Variants in VSTM2A observed in about 807,000 individuals in gnomAD.
VSTM2A encodes the protein V-set and transmembrane domain containing 2A.
A neutral mutation model predicts 27.3 loss-of-function variants in VSTM2A; 13 were observed. The observed-to-expected ratio is 0.48, with a 90% confidence interval of 0.31 to 0.76. The LOEUF (loss-of-function observed/expected upper bound fraction) is 0.76, where lower values mean the gene tolerates loss of function less well. Ranked by LOEUF, VSTM2A falls within the 30% of genes least tolerant of loss-of-function variation. The probability of loss-of-function intolerance (pLI) is 0.05; values close to 1 mark genes in which losing one functional copy is unlikely to be tolerated. For synonymous variants in VSTM2A, 142 were observed against 125.7 expected, an observed-to-expected ratio of 1.13 and a Z score of -0.87; for missense variants, 280 against 310.0, an observed-to-expected ratio of 0.90 and a Z score of 0.73.
At position 54,546,942 on chromosome 7, in the gene VSTM2A, C is replaced by A; in HGVS notation, c.247-5C>A. The stretch of plus-strand genomic sequence containing the variant: ...CGGGACTGAGCGTTCGCTCCTTGCC[C>A]GCAGGTGGAGCTCTTGCCCGACAGA... On this transcript the variant is annotated splice_region_variant and splice_polypyrimidine_tract_variant and intron_variant, in intron 2 of 4. Transcript: ENST00000402613. The A allele has an allele frequency of 6.3e-7, 1 of 1,598,072 alleles. No homozygotes were observed. The highest frequency in any genetic ancestry group is 8.5e-7 in the Non-Finnish European group (1 of 1,174,472).
intron 3 of VSTM2A, among the ~76,000 whole-genome samples, chr7:54,549,070 G>A (rs1422117178): frequency 6.6e-6 from 1 of 150,812 alleles, no homozygotes; most frequent in Non-Finnish European, 1.5e-5. Flanking sequence ...TCAGATATAT[G>A]ATCTTGCTAT....
intron 1 of VSTM2A, among the ~76,000 whole-genome samples, chr7:54,543,397 T>C (rs1787847502): frequency 6.6e-6 from 1 of 152,138 alleles, no homozygotes; most frequent in African/African-American, 2.4e-5. Context: ...AGATCACATC[T>C]CTGGTGCCAA....
intron 4 of VSTM2A, chr7:54,553,764 T>C: frequency 6.8e-7 from 1 of 1,474,156 alleles, no homozygotes; most frequent in East Asian, 2.5e-5. Flanking sequence ...GTGGTTTAGG[T>C]CCCTCTTCGC....
At chr7:54,564,512 A>G (rs193171279) in intron 4 of VSTM2A, among the ~76,000 whole-genome samples, 5 of 152,338 alleles carry the variant, frequency 3.3e-5, no homozygotes, top group Admixed American at 3.3e-4. Context: ...GCCAAGAGAA[A>G]GTGGATATTT....
At chr7:54,551,815 G>A (rs1226886649) in intron 4 of VSTM2A, 1 of 152,128 alleles carries the variant, frequency 6.6e-6, no homozygotes, top group African/African-American at 2.4e-5. Context: ...TCCAAATCAT[G>A]GAAGTGAAAT....
intron 4 of VSTM2A, 90 bp from the exon 5 acceptor site, chr7:54,569,041 G>C (rs745690342): frequency 6.2e-7 from 1 of 1,605,720 alleles, no homozygotes; most frequent in South Asian, 1.1e-5. Flanking sequence ...TGGACTTTCT[G>C]TCCTGCTTCT....
chr7:54,547,619 G>GA, intron 3 of VSTM2A, among the ~76,000 whole-genome samples: 1 of 152,196 alleles, frequency 6.6e-6, no homozygotes, highest in South Asian at 2.1e-4. Context: ...TTTAAAAAGT[G>GA]AAAGTCTTAT....
In VSTM2A at chr7:54,569,517, A is replaced by C; in HGVS notation, c.*298A>C. ...CATCTTCAGGAAGCAAACAGAGATC[A>C]AAAGGCTACAGAACAGAAGCTATCA... On this transcript the variant is annotated 3_prime_UTR_variant, in exon 5 of 5. Transcript: ENST00000402613. 2.6e-6 allele frequency: 1 copy of C among 388,104 alleles called. No individual in the cohort carries two copies. The highest frequency in any genetic ancestry group is 4.7e-6 in the Non-Finnish European group (1 of 214,384). The allele number at this position is 388,104 out of a possible 1,614,324, so 24.0% of individuals were successfully genotyped here. A position where few individuals can be genotyped will look rare whatever the true frequency, so the allele number is the denominator to read the frequency against.
rs749659001 is a variant in VSTM2A at position 54,542,703 on chromosome 7, A to G, written c.-28A>G. On this transcript the variant is annotated 5_prime_UTR_variant, in exon 1 of 5. Transcript: ENST00000402613. ...TCAGGGCTTTTCGGCTGTTGGCTAC[A>G]CTGATGTGACCCCCCTCCCTTTTTG... 1 of 1,609,668 alleles carries G rather than the reference A, an allele frequency of 6.2e-7. No individual in the cohort carries two copies. The highest frequency in any genetic ancestry group is 1.7e-5 in the Admixed American group (1 of 59,768).
At chr7:54,546,714 C>G (rs1007695650) in intron 2 of VSTM2A, 62 of 509,320 alleles carry the variant, frequency 1.2e-4, no homozygotes, top group Non-Finnish European at 1.8e-4. Flanking sequence ...GGGACAGCCC[C>G]GGGGAAAGCG....
chr7:54,561,026 A>C (rs759932350), intron 4 of VSTM2A, among the ~76,000 whole-genome samples: 7 of 152,202 alleles, frequency 4.6e-5, no homozygotes, highest in Non-Finnish European at 8.8e-5. Flanking sequence ...AAACAAATCC[A>C]TATGCTATGA....
chr7:54,545,887 G>T (rs1489987676), intron 2 of VSTM2A, among the ~76,000 whole-genome samples: 1 of 124,050 alleles, frequency 8.1e-6, no homozygotes, highest in Non-Finnish European at 1.7e-5. Flanking sequence ...AAGGAGAAGG[G>T]TAGAGGGAGA....
At chr7:54,559,319 G>T (rs187288592) in intron 4 of VSTM2A, 2 of 152,084 alleles carry the variant, frequency 1.3e-5, no homozygotes, top group African/African-American at 4.8e-5. Flanking sequence ...AGAGAGTTTA[G>T]GTTTGAATAA....
intron 3 of VSTM2A, among the ~76,000 whole-genome samples, chr7:54,549,629 T>A (rs1280244567): frequency 1.3e-5 from 2 of 152,106 alleles, no homozygotes; most frequent in Non-Finnish European, 2.9e-5. Context: ...ACTAATTATC[T>A]CCTGAGTCTG....
intron 4 of VSTM2A, among the ~76,000 whole-genome samples, chr7:54,567,922 T>G (rs528370457): frequency 6.6e-6 from 1 of 152,334 alleles, no homozygotes; most frequent in East Asian, 1.9e-4. Context: ...GCACGTGAAC[T>G]GAGCTATCAC....
intron 4 of VSTM2A, among the ~76,000 whole-genome samples, chr7:54,560,597 C>A (rs1197652558): frequency 6.6e-6 from 1 of 152,084 alleles, no homozygotes; most frequent in Non-Finnish European, 1.5e-5. Flanking sequence ...TTACTTAATG[C>A]AACTGCTTCA....
Position 54,569,287 on chromosome 7 carries a change from A to G in VSTM2A, c.*68A>G, listed in dbSNP as rs1239333593. On this transcript the variant is annotated 3_prime_UTR_variant, in exon 5 of 5. Transcript: ENST00000402613. ...GAGGCTATCACATGCTTTGTTGATC[A>G]TATTTTCTTTGGCAAAACACTGATC... 1.9e-6 allele frequency: 3 copies of G among 1,538,486 alleles called. No individual in the cohort carries two copies. Among genetic ancestry groups the G allele is most frequent in the Admixed American group, 2.0e-5 (1 of 48,842 alleles).
At chr7:54,550,442 A>T in intron 4 of VSTM2A, 2 of 755,088 alleles carry the variant, frequency 2.6e-6, no homozygotes, top group Non-Finnish European at 3.9e-6. Flanking sequence ...GTATTTACAC[A>T]TTATAAGAAC....
chr7:54,557,376 C>T (rs1170067869), intron 4 of VSTM2A: 1 of 151,142 alleles, frequency 6.6e-6, no homozygotes, highest in Non-Finnish European at 1.5e-5. Flanking sequence ...GTCTGTCACC[C>T]AGGCTAGAGT....
Sources: gnomAD v4.1 joint callset for allele counts (sites outside exome capture counted in the v4.1 genomes callset) on GRCh38, gnomAD v4.1.1 for gene constraint, MANE v1.5 for transcripts, NCBI Gene and HGNC (gene_info 2026-07-23, HGNC 2026-07-21) for gene names.